Variants in PKD1 observed in about 807,000 individuals in gnomAD.
PKD1 encodes the protein polycystin 1, transient receptor potential channel interacting.
In PKD1, 81 loss-of-function variants were observed where a neutral mutation model predicts 361.7. That is an observed-to-expected ratio of 0.22 (90% CI 0.19 to 0.27). The LOEUF (loss-of-function observed/expected upper bound fraction) is 0.27, where lower values mean the gene tolerates loss of function less well. Ranked by LOEUF, PKD1 falls within the 10% of genes least tolerant of loss-of-function variation. The probability of loss-of-function intolerance (pLI) is 1.00; values close to 1 mark genes in which losing one functional copy is unlikely to be tolerated. For synonymous variants in PKD1, 3,615 were observed against 2,818.3 expected (o/e 1.28, Z -8.95); for missense variants, 6,399 against 6,118.3 (o/e 1.05, Z -1.53).
rs1194078522 is a variant in PKD1, at chr16:2,088,799, G to A, written c.*928C>T. ...TCTAGAAGCGGCCATGCCCACAGAA[G>A]TGGTACACAGAAGCAGGCACAGCCA... On this transcript the variant is annotated 3_prime_UTR_variant, in exon 46 of 46. Transcript: ENST00000262304. 5.2e-6 allele frequency: 4 copies of A among 776,442 alleles called. No homozygotes were observed. Among genetic ancestry groups the A allele is most frequent in the Non-Finnish European group, 6.0e-6 (3 of 497,094 alleles). 48.1% of individuals were successfully genotyped at this position (776,442 alleles called of 1,614,324 possible).
chr16:2,091,007 G>C lies in PKD1; in HGVS notation c.11880C>G (p.Asp3960Glu), dbSNP rs754037517. The part of the protein sequence containing the change: ...LVRLAQLGAA[D>E]RQWTRFVRGR... ...CGCGCACGAAACGGGTCCACTGGCG[G>C]TCAGCGGCACCCAGCTGGGCGAGGC... The change falls in exon 43 of 46, where the codon GAC (aspartate) becomes GAG (glutamate). Residue 3960 changes from aspartate (D) to glutamate (E), a missense_variant. Transcript: ENST00000262304. 1.4e-5 allele frequency: 22 copies of C among 1,534,082 alleles called. No individual in the cohort carries two copies. Among genetic ancestry groups the C allele is most frequent in the Non-Finnish European group, 1.8e-5 (21 of 1,145,878 alleles).
rs2091361013 is a variant in PKD1, at chr16:2,089,602, C to CTG, written c.*123_*124dup. The CTG allele has an allele frequency of 8.2e-7, 1 of 1,214,288 alleles. No homozygotes were observed. The highest frequency in any genetic ancestry group is 1.2e-6 in the Non-Finnish European group (1 of 860,674). The allele number at this position is 1,214,288 out of a possible 1,614,324, so 75.2% of individuals were successfully genotyped here. On this transcript the variant is annotated 3_prime_UTR_variant, in exon 46 of 46. Transcript: ENST00000262304. ...GAAGCCCACAGACAGACAGATGCCC[C>CTG]TGCCTGCTCTCTGGGGAACCTACGT... is the stretch of plus-strand genomic sequence containing the variant.
In PKD1 at chr16:2,108,837, G is replaced by A. The variant is rs148814691; in HGVS notation, c.6330C>T (p.Ala2110=). ...CCCCAGGCCTCAGGTAGGAGTGCTCGGCCCTGGGCTCATCTGTGTCCTGCC... is the reference window on the plus strand; with the variant it reads ...CCCCAGGCCTCAGGTAGGAGTGCTCAGCCCTGGGCTCATCTGTGTCCTGCC... ...SPGQDTDEPR[A]EHSYLRPGDY... The change falls in exon 15 of 46, where the codon GCC becomes GCT. Residue 2110 remains alanine, a synonymous_variant. Coordinates refer to ENST00000262304, the MANE Select transcript of PKD1 (RefSeq NM_001009944.3). The A allele has an allele frequency of 8.0e-5, 126 of 1,571,004 alleles. 1 individual carries two copies. Among genetic ancestry groups the A allele is most frequent in the Middle Eastern group, 2.2e-4 (1 of 4,460 alleles).
chr16:2,101,145 C>T (rs907290555), intron 26 of PKD1, among the ~76,000 whole-genome samples: 16 of 152,164 alleles, frequency 1.1e-4, no homozygotes, highest in African/African-American at 3.1e-4. Context: ...GCCACTACGC[C>T]GGGCTAATTT....
intron 1 of PKD1, among the ~76,000 whole-genome samples, chr16:2,124,984 C>G (rs1477492864): frequency 6.6e-6 from 1 of 152,168 alleles, no homozygotes. Context: ...AGAGCAGGCC[C>G]AGGGTGAGGA....
rs768246982 is a variant in PKD1 at position 2,109,752 on chromosome 16, G to A, written c.5415C>T (p.Leu1805=). 1 of 1,609,452 alleles carries A rather than the reference G, an allele frequency of 6.2e-7. No individual in the cohort carries two copies. Among genetic ancestry groups the A allele is most frequent in the Admixed American group, 1.7e-5 (1 of 59,874 alleles). ...CTCCGGGCTCGCTGGCCCTGATGCT[G>A]AGGCCACTCACAGGCACCTGCACAT... The part of the protein sequence containing the change: ...EVDVQVPVSG[L]SIRASEPGGS... The change falls in exon 15 of 46, where the codon CTC becomes CTT. Residue 1805 remains leucine, a synonymous_variant. Coordinates refer to ENST00000262304, the MANE Select transcript of PKD1 (RefSeq NM_001009944.3).
In PKD1 at chr16:2,111,034, G is replaced by A. The variant is rs1392043028; in HGVS notation, c.4133C>T (p.Pro1378Leu). Residue 1378 changes from proline to leucine, a missense_variant, in exon 15 of 46, where the codon CCA (proline) becomes CTA (leucine). Pro to Leu is a moderately conservative substitution (Grantham distance 98). Coordinates refer to ENST00000262304, the MANE Select transcript of PKD1 (RefSeq NM_001009944.3). ...AHYFTSICVE[P>L]EVGNVTLQPE... ...CTGCAGGGTGACGTTGCCCACCTCT[G>A]GCTCCACGCAGATGCTGGTGAAGTA... The A allele has an allele frequency of 1.2e-6, 2 of 1,610,684 alleles. No individual in the cohort carries two copies. The highest frequency in any genetic ancestry group is 1.3e-5 in the African/African-American group (1 of 74,998).
intron 1 of PKD1, among the ~76,000 whole-genome samples, chr16:2,127,834 C>T (rs1340192736): frequency 6.7e-6 from 1 of 149,548 alleles, no homozygotes; most frequent in South Asian, 2.2e-4. Context: ...TTCCCTACAT[C>T]TGGGTTCCCA....
chr16:2,088,881 G>GCGCGCA lies in PKD1; in HGVS notation c.*845_*846insTGCGCG, dbSNP rs142285430. The GCGCGCA allele has an allele frequency of 7.1e-4, 300 of 421,466 alleles. 1 individual carries two copies. The highest frequency in any genetic ancestry group is 3.9e-3 in the African/African-American group (173 of 44,674). The allele number at this position is 421,466 out of a possible 1,614,324, so 26.1% of individuals were successfully genotyped here. Reference sequence around the variant, plus strand: ...ACAGCACACTCGCGCGTGCGCGCGCGCACACACACACACACACAGTCACCT... The same window carrying GCGCGCA: ...ACAGCACACTCGCGCGTGCGCGCGCGCGCGCACACACACACACACACACAGTCACCT... On this transcript the variant is annotated 3_prime_UTR_variant, in exon 46 of 46. Coordinates refer to ENST00000262304, the MANE Select transcript of PKD1 (RefSeq NM_001009944.3).
chr16:2,102,679 T>C (rs2092145754), intron 24 of PKD1, 46 bp from the exon 25 acceptor site: 1 of 1,610,322 alleles, frequency 6.2e-7, no homozygotes, highest in Non-Finnish European at 8.5e-7. Flanking sequence ...CTCCGCCAGG[T>C]TGGATGTCGC....
In PKD1 at chr16:2,091,193, G is replaced by A. The variant is rs1364550424; in HGVS notation, c.11713-19C>T. On this transcript the variant is annotated intron_variant, in intron 42 of 45. Coordinates refer to ENST00000262304, the MANE Select transcript of PKD1 (RefSeq NM_001009944.3). Reference sequence around the variant, plus strand: ...GGCACACCTGTGGGGGGCGCGGTCAGGAGGGCGGGAGGGACGCTGCCGGGG... The same window carrying A: ...GGCACACCTGTGGGGGGCGCGGTCAAGAGGGCGGGAGGGACGCTGCCGGGG... 7.6e-7 allele frequency: 1 copy of A among 1,323,980 alleles called. No individual in the cohort carries two copies. The highest frequency in any genetic ancestry group is 9.6e-7 in the Non-Finnish European group (1 of 1,042,682). 82.0% of individuals were successfully genotyped at this position (1,323,980 alleles called of 1,614,324 possible).
Position 2,093,745 on chromosome 16 carries a change from AG to A in PKD1, c.10822-8del, listed in dbSNP as rs373684171. The A allele has an allele frequency of 2.8e-4, 447 of 1,576,710 alleles. 5 individuals carry two copies. The East Asian group carries it at 8.1e-3, about 29-fold the overall frequency. ...ACAGGGCTTCCAGCAAGACCTGGGG[AG>A]GGGGTGGCTTCAGAGGGGTCCCCCG... is the stretch of plus-strand genomic sequence containing the variant. On this transcript the variant is annotated splice_polypyrimidine_tract_variant and splice_region_variant and intron_variant, in intron 36 of 45. Transcript: ENST00000262304.
At chr16:2,131,516 AAAAT>A (rs764080232) in intron 1 of PKD1, among the ~76,000 whole-genome samples, 13 of 149,936 alleles carry the variant, frequency 8.7e-5, no homozygotes, top group African/African-American at 1.2e-4. Flanking sequence ...TCAAATAATA[AAAAT>A]AAATAAATAA....
At chr16:2,096,195 C>G (rs966453448) in intron 34 of PKD1, among the ~76,000 whole-genome samples, 1 of 152,222 alleles carries the variant, frequency 6.6e-6, no homozygotes, top group African/African-American at 2.4e-5. Context: ...TGTCACAGGG[C>G]GTAGTTACCC....
At chr16:2,092,383 A>G (rs1234657566) in intron 39 of PKD1, 97 bp downstream of exon 39, 3 of 993,676 alleles carry the variant, frequency 3.0e-6, no homozygotes, top group Non-Finnish European at 4.6e-6. Flanking sequence ...CAAAGGTCAC[A>G]CAGCTAGGGA....
intron 1 of PKD1, among the ~76,000 whole-genome samples, chr16:2,129,739 C>T (rs1348216457): frequency 5.3e-5 from 8 of 150,860 alleles, no homozygotes; most frequent in Non-Finnish European, 8.9e-5. Flanking sequence ...TTTTAGAGAC[C>T]GGGGTCTCAC....
intron 37 of PKD1, 114 bp downstream of exon 37, chr16:2,093,430 C>T (rs961553220): frequency 3.0e-6 from 3 of 1,005,808 alleles, no homozygotes; most frequent in Non-Finnish European, 4.4e-6. Context: ...AGCATTGAAC[C>T]CCTAAGGGCC....
At chr16:2,112,308 G>A (rs1268681820) in intron 14 of PKD1, 32 bp downstream of exon 14, 7 of 1,570,868 alleles carry the variant, frequency 4.5e-6, no homozygotes, top group East Asian at 2.2e-5. Flanking sequence ...GAGCCTGAAA[G>A]GCAGTGGCCC....
chr16:2,131,157 G>A (rs1254168342), intron 1 of PKD1, among the ~76,000 whole-genome samples: 1 of 152,160 alleles, frequency 6.6e-6, no homozygotes, highest in Non-Finnish European at 1.5e-5. Flanking sequence ...CAGGCTGCAG[G>A]AGCCAGTTTC....
Sources: gnomAD v4.1 joint callset for allele counts (sites outside exome capture counted in the v4.1 genomes callset) on GRCh38, gnomAD v4.1.1 for gene constraint, MANE v1.5 for transcripts, NCBI Gene and HGNC (gene_info 2026-07-23, HGNC 2026-07-21) for gene names.